DEFB127: variants seen among roughly 807,000 people sequenced by gnomAD.
DEFB127 encodes defensin beta 127.
In DEFB127, 2 loss-of-function variants were observed where a neutral mutation model predicts 2.4. The ratio of observed to expected loss-of-function variants is 0.82; its 90% CI spans 0.34 to 2.58. The LOEUF (loss-of-function observed/expected upper bound fraction) is 2.58. DEFB127 is among the 30% of genes most tolerant of loss of function. The pLI is 0.11. For missense variants in DEFB127, 110 were observed against 113.2 expected, an observed-to-expected ratio of 0.97 and a Z score of 0.13; for synonymous variants, 37 against 39.8, an observed-to-expected ratio of 0.93 and a Z score of 0.26.
rs147043953 is a variant in DEFB127 at position 158,994 on chromosome 20, T to A, written c.270T>A (p.Asn90Lys). ...AAGACTATGTTACAATAATAGAAAA[T>A]TTCCCAAGCCTGAAGACACAGTCTA... ...TLQDYVTIIE[N>K]FPSLKTQST The change falls in exon 2 of 2, where the codon AAT (asparagine) becomes AAA (lysine). Residue 90 changes from asparagine (N) to lysine (K), a missense_variant. Coordinates refer to ENST00000382388, the MANE Select transcript of DEFB127 (RefSeq NM_139074.4). The A allele has an allele frequency of 9.9e-6, 16 of 1,610,790 alleles. No homozygotes were observed. The African/African-American group carries it at 2.1e-4, about 22-fold the overall frequency.
In DEFB127 at chr20:158,885, G is replaced by C. The variant is rs758772528; in HGVS notation, c.161G>C (p.Cys54Ser). 3.0e-5 allele frequency: 49 copies of C among 1,613,674 alleles called. 1 individual carries two copies. In the South Asian group the frequency reaches 5.2e-4, roughly 17 times the overall value. ...EALCENGRYC[C>S]LNIKELEACK... ...CTATGTGAAAATGGGAGATACTGTT[G>C]CCTCAATATCAAGGAACTGGAAGCA... The change falls in exon 2 of 2, where the codon TGC becomes TCC. Residue 54 changes from cysteine (C) to serine (S), a missense_variant. Physicochemically the swap from Cys to Ser is moderately radical, Grantham distance 112. Coordinates refer to ENST00000382388, the MANE Select transcript of DEFB127 (RefSeq NM_139074.4).
At chr20:158,659 GC>G in intron 1 of DEFB127, 114 bp from the exon 2 acceptor site, 1 of 1,026,536 alleles carries the variant, frequency 9.7e-7, no homozygotes, top group Non-Finnish European at 1.4e-6. Flanking sequence ...ATGAGGGTCT[GC>G]CTTGTGGATA....
rs752711658 is a variant in DEFB127 at position 157,523 on chromosome 20, A to G, written c.-22A>G. 2.5e-6 allele frequency: 4 copies of G among 1,588,120 alleles called. No homozygotes were observed. The highest frequency in any genetic ancestry group is 3.4e-6 in the Non-Finnish European group (4 of 1,165,942). On this transcript the variant is annotated 5_prime_UTR_variant, in exon 1 of 2. Coordinates refer to ENST00000382388, the MANE Select transcript of DEFB127 (RefSeq NM_139074.4). ...TCACTGGACCAAAAGCTTTGGCTGC[A>G]CCTCTTCTGGAAAGCCTGGCCATGG...
In DEFB127 at chr20:159,052, T is replaced by C. The variant is rs1376565543; in HGVS notation, c.*28T>C. ...CAAATACAATTTCGTTTTCACTTGC[T>C]TCTCAACCTAGTCTAATAAACTAAG... On this transcript the variant is annotated 3_prime_UTR_variant, in exon 2 of 2. Coordinates refer to ENST00000382388, the MANE Select transcript of DEFB127 (RefSeq NM_139074.4). The C allele has an allele frequency of 6.3e-7, 1 of 1,576,602 alleles. No individual in the cohort carries two copies. The highest frequency in any genetic ancestry group is 1.4e-5 in the African/African-American group (1 of 73,612).
intron 1 of DEFB127, among the ~76,000 whole-genome samples, chr20:158,532 T>C (rs11087789): frequency 0.29 from 43,902 of 152,020 alleles, 7,789 homozygotes; most frequent in East Asian, 0.52. Flanking sequence ...CTTATGTTCT[T>C]GGCAGAGTCT....
rs1274976909 is a variant in DEFB127, at chr20:158,874, G to A, written c.150G>A (p.Gly50=). The change falls in exon 2 of 2, where the codon GGG becomes GGA. Residue 50 remains glycine (G), a synonymous_variant. Transcript: ENST00000382388. The part of the protein sequence containing the change: ...NEVPEALCEN[G]RYCCLNIKEL... ...TGCCTGAGGCACTATGTGAAAATGG[G>A]AGATACTGTTGCCTCAATATCAAGG... 1 of 1,613,778 alleles carries A rather than the reference G, an allele frequency of 6.2e-7. No homozygotes were observed. Among genetic ancestry groups the A allele is most frequent in the Admixed American group, 1.7e-5 (1 of 59,922 alleles).
At chr20:157,656 G>A in intron 1 of DEFB127, 63 bp downstream of exon 1, 1 of 1,580,790 alleles carries the variant, frequency 6.3e-7, no homozygotes, top group Non-Finnish European at 8.7e-7. Flanking sequence ...GGAGCCAAAG[G>A]GAACTTCATA....
intron 1 of DEFB127, 85 bp from the exon 2 acceptor site, chr20:158,689 T>C: frequency 7.1e-7 from 1 of 1,416,958 alleles, no homozygotes; most frequent in Non-Finnish European, 9.6e-7. Flanking sequence ...CCCTAATTCC[T>C]ACAAGCCTCC....
chr20:157,470 C>A lies in DEFB127; in HGVS notation c.-75C>A. On this transcript the variant is annotated 5_prime_UTR_variant, in exon 1 of 2. Coordinates refer to ENST00000382388, the MANE Select transcript of DEFB127 (RefSeq NM_139074.4). ...TGGTTCAGTGCATAAGAATCTAAGT[C>A]TCTGAGGAAGGTAGCATAGTGTGCA... 6.6e-7 allele frequency: 1 copy of A among 1,509,458 alleles called. No individual in the cohort carries two copies. The highest frequency in any genetic ancestry group is 2.3e-5 in the East Asian group (1 of 44,386). The allele number at this position is 1,509,458 out of a possible 1,614,324, so 93.5% of individuals were successfully genotyped here.
At position 158,890 on chromosome 20, in the gene DEFB127, A is replaced by G. The variant is rs778202146; in HGVS notation, c.166A>G (p.Asn56Asp). 7 of 1,613,702 alleles carry G rather than the reference A, an allele frequency of 4.3e-6. No homozygotes were observed. Among genetic ancestry groups the G allele is most frequent in the African/African-American group, 1.3e-5 (1 of 74,926 alleles). Reference sequence around the variant, plus strand: ...TGAAAATGGGAGATACTGTTGCCTCAATATCAAGGAACTGGAAGCATGTAA... The same window carrying G: ...TGAAAATGGGAGATACTGTTGCCTCGATATCAAGGAACTGGAAGCATGTAA... ...LCENGRYCCL[N>D]IKELEACKKI... Residue 56 changes from asparagine to aspartate, a missense_variant, in exon 2 of 2, where the codon AAT becomes GAT. Coordinates refer to ENST00000382388, the MANE Select transcript of DEFB127 (RefSeq NM_139074.4).
In DEFB127 at chr20:157,579, T is replaced by C. The variant is rs1433129172; in HGVS notation, c.35T>C (p.Phe12Ser). 2.5e-6 allele frequency: 4 copies of C among 1,613,850 alleles called. No individual in the cohort carries two copies. The highest frequency in any genetic ancestry group is 3.4e-6 in the Non-Finnish European group (4 of 1,179,902). ...TTCATGATCATTGCAATTCTGCTGTTCCAGAAACCCACAGGTAAACCAAAC... is the reference window on the plus strand; with the variant it reads ...TTCATGATCATTGCAATTCTGCTGTCCCAGAAACCCACAGGTAAACCAAAC... ...GLFMIIAILL[F>S]QKPTVTEQLK... is the part of the protein sequence containing the mutation. Residue 12 changes from phenylalanine (F) to serine (S), a missense_variant, in exon 1 of 2, where the codon TTC (phenylalanine) becomes TCC (serine). Transcript: ENST00000382388.
At chr20:158,622 C>A in intron 1 of DEFB127, 152 bp from the exon 2 acceptor site, 1 of 753,224 alleles carries the variant, frequency 1.3e-6, no homozygotes, top group South Asian at 2.5e-5. Flanking sequence ...TGAGGTTGAC[C>A]TTGTCGGAAA....
chr20:158,141 G>A (rs1262513663), intron 1 of DEFB127, among the ~76,000 whole-genome samples: 4 of 152,030 alleles, frequency 2.6e-5, no homozygotes, highest in African/African-American at 7.2e-5. Flanking sequence ...TGTGAAGCTT[G>A]GCACATACTG....
At chr20:158,580 T>C (rs1330598651) in intron 1 of DEFB127, among the ~76,000 whole-genome samples, 194 bp from the exon 2 acceptor site, 1 of 152,138 alleles carries the variant, frequency 6.6e-6, no homozygotes, top group Admixed American at 6.6e-5. Context: ...TCACAGGACC[T>C]AAATATAAGT....
intron 1 of DEFB127, among the ~76,000 whole-genome samples, chr20:157,922 AAT>A (rs73611778): frequency 8.9e-4 from 23 of 25,702 alleles, no homozygotes; most frequent in Admixed American, 2.0e-3. Context: ...CTTTTACTCA[AAT>A]ATATATATGT....
At chr20:157,931 ATGTGTGTG>A (rs1190932870) in intron 1 of DEFB127, among the ~76,000 whole-genome samples, 22 of 21,176 alleles carry the variant, frequency 1.0e-3, no homozygotes, top group African/African-American at 1.4e-3. Context: ...AAATATATAT[ATGTGTGTG>A]TGTGTGTGTG....
In DEFB127 at chr20:158,873, G is replaced by A. The variant is rs2054713842; in HGVS notation, c.149G>A (p.Gly50Glu). 1 of 1,613,776 alleles carries A rather than the reference G, an allele frequency of 6.2e-7. No individual in the cohort carries two copies. The highest frequency in any genetic ancestry group is 8.5e-7 in the Non-Finnish European group (1 of 1,179,838). Reference protein sequence around the residue: ...NEVPEALCENGRYCCLNIKEL... With the variant: ...NEVPEALCENERYCCLNIKEL... ...GTGCCTGAGGCACTATGTGAAAATG[G>A]GAGATACTGTTGCCTCAATATCAAG... The change falls in exon 2 of 2, where the codon GGG becomes GAG. Residue 50 changes from glycine to glutamate, a missense_variant. Gly to Glu is a moderately conservative substitution (Grantham distance 98). Coordinates refer to ENST00000382388, the MANE Select transcript of DEFB127 (RefSeq NM_139074.4).
chr20:158,557 G>A (rs759843137), intron 1 of DEFB127, among the ~76,000 whole-genome samples: 17 of 152,098 alleles, frequency 1.1e-4, no homozygotes, highest in Non-Finnish European at 2.4e-4. Context: ...GATGTTAAGG[G>A]AGGCCTAAAA....
chr20:158,824 A>G lies in DEFB127; in HGVS notation c.100A>G (p.Arg34Gly). 1 of 1,613,618 alleles carries G rather than the reference A, an allele frequency of 6.2e-7. No individual in the cohort carries two copies. Among genetic ancestry groups the G allele is most frequent in the Non-Finnish European group, 8.5e-7 (1 of 1,179,660 alleles). The change falls in exon 2 of 2, where the codon AGG becomes GGG. Residue 34 changes from arginine (R) to glycine (G), a missense_variant. Coordinates refer to ENST00000382388, the MANE Select transcript of DEFB127 (RefSeq NM_139074.4). ...GAATAACTATGTACAAGGACATTGC[A>G]GGAAAATCTGCAGAGTAAATGAAGT... The part of the protein sequence containing the change: ...CWNNYVQGHC[R>G]KICRVNEVPE...
Sources: allele counts gnomAD v4.1 joint callset (sites outside exome capture counted in the v4.1 genomes callset), GRCh38; gene constraint gnomAD v4.1.1; transcripts MANE v1.5; gene names NCBI Gene and HGNC (gene_info 2026-07-23, HGNC 2026-07-21).